The following TMEM53 variants were observed in gnomAD, a reference collection of about 807,000 sequenced individuals.
TMEM53 encodes novel DUF829 domain-containing protein.
A neutral mutation model predicts 21.4 loss-of-function variants in TMEM53; 14 were observed. That is an observed-to-expected ratio of 0.65 (90% CI 0.43 to 1.02). The LOEUF is 1.02. Ranked by LOEUF, TMEM53 falls within the 50% of genes least tolerant of loss-of-function variation. The probability of loss-of-function intolerance (pLI) is 0.00; values close to 1 mark genes in which losing one functional copy is unlikely to be tolerated. For missense variants in TMEM53, 323 were observed against 383.6 expected (o/e 0.84, Z 1.32); for synonymous variants, 148 against 157.4 (o/e 0.94, Z 0.45).
chr1:44,659,617 G>A (rs899901132), intron 2 of TMEM53, among the ~76,000 whole-genome samples: 2 of 152,206 alleles, frequency 1.3e-5, no homozygotes, highest in African/African-American at 4.8e-5. Flanking sequence ...GCTATGTCCA[G>A]ACACCCAGCC....
chr1:44,660,410 G>A, intron 1 of TMEM53, 115 bp from the exon 2 acceptor site: 1 of 1,421,572 alleles, frequency 7.0e-7, no homozygotes, highest in Non-Finnish European at 9.5e-7. Context: ...CGGGTGCCAG[G>A]CCCAGGCATC....
intron 2 of TMEM53, among the ~76,000 whole-genome samples, chr1:44,657,696 C>T (rs1481067767): frequency 1.3e-5 from 2 of 151,712 alleles, no homozygotes; most frequent in Non-Finnish European, 2.9e-5. Context: ...CACCACCGTG[C>T]CTGGCTAATT....
intron 1 of TMEM53, among the ~76,000 whole-genome samples, chr1:44,667,566 C>T (rs1644960588): frequency 6.6e-6 from 1 of 151,802 alleles, no homozygotes. Context: ...CCTCGGCCTC[C>T]CAAAGTGCTG....
rs546679423 is a variant in TMEM53, at chr1:44,674,208, C to T, written c.61+123G>A. 1.0e-4 allele frequency: 148 copies of T among 1,440,884 alleles called. 1 individual carries two copies. In the South Asian group the frequency reaches 2.1e-3, roughly 20 times the overall value. The allele number at this position is 1,440,884 out of a possible 1,614,324, so 89.3% of individuals were successfully genotyped here. ...CTCTCTAAGTCTAGGACCTGCCAGA[C>T]CCTATGAGGGGGCGGCCCGAGGGAG... On this transcript the variant is annotated intron_variant, in intron 1 of 2. Coordinates refer to ENST00000372237, the MANE Select transcript of TMEM53 (RefSeq NM_024587.4).
chr1:44,660,333 G>A, intron 1 of TMEM53, 38 bp from the exon 2 acceptor site: 1 of 1,587,062 alleles, frequency 6.3e-7, no homozygotes. Context: ...CCAGAGCTGG[G>A]GTGGGGGCGG....
rs558259711 is a variant in TMEM53 at position 44,660,328 on chromosome 1, G to C, written c.62-33C>G. The C allele has an allele frequency of 9.4e-6, 15 of 1,593,700 alleles. No homozygotes were observed. In the African/African-American group the frequency reaches 2.0e-4, roughly 21 times the overall value. ...ACAGATGTGGACTGTCAACACCAGA[G>C]CTGGGGTGGGGGCGGGGGTGACTGC... On this transcript the variant is annotated intron_variant, in intron 1 of 2. Transcript: ENST00000372237.
At chr1:44,670,499 G>A (rs1348618484) in intron 1 of TMEM53, among the ~76,000 whole-genome samples, 1 of 152,128 alleles carries the variant, frequency 6.6e-6, no homozygotes, top group Non-Finnish European at 1.5e-5. Flanking sequence ...TCACCATGGG[G>A]GTCTGTCAGC....
Position 44,674,361 on chromosome 1 carries a change from C to T in TMEM53, c.31G>A (p.Glu11Lys), listed in dbSNP as rs762136112. ...CTCCAGCAGGGCTGATCCGGGATCT[C>T]GATGGTGTAGTCCAGCTCTGCCGAG... Reference protein sequence around the residue: MASAELDYTIEIPDQPCWSQK... With the variant: MASAELDYTIKIPDQPCWSQK... The change falls in exon 1 of 3, where the codon GAG becomes AAG. Residue 11 changes from glutamate to lysine, a missense_variant. By Grantham distance (56) the Glu-to-Lys change is moderately conservative (BLOSUM62 1). This residue lies in a region of TMEM53 where 49 missense variants were observed against 32.9 expected (regional missense o/e 1.49). Transcript: ENST00000372237. The T allele has an allele frequency of 1.2e-6, 2 of 1,613,036 alleles. No individual in the cohort carries two copies. Among genetic ancestry groups the T allele is most frequent in the Admixed American group, 1.7e-5 (1 of 59,884 alleles).
intron 2 of TMEM53, among the ~76,000 whole-genome samples, chr1:44,659,271 G>A (rs2148530854): frequency 6.6e-6 from 1 of 152,308 alleles, no homozygotes; most frequent in East Asian, 1.9e-4. Context: ...TTTCTCCCAG[G>A]TGCCCCCCCA....
chr1:44,671,933 A>C (rs1241476264), intron 1 of TMEM53, among the ~76,000 whole-genome samples: 1 of 152,262 alleles, frequency 6.6e-6, no homozygotes, highest in African/African-American at 2.4e-5. Context: ...CACCTCAAAA[A>C]AAAAAGTTTT....
intron 2 of TMEM53, among the ~76,000 whole-genome samples, chr1:44,657,463 C>A (rs11211021): frequency 0.62 from 93,880 of 152,006 alleles, 29,894 homozygotes; most frequent in East Asian, 0.81. Flanking sequence ...TATACCCCCC[C>A]AAAAAGCTGG....
At chr1:44,661,810 G>A (rs1219270989) in intron 1 of TMEM53, among the ~76,000 whole-genome samples, 1 of 152,176 alleles carries the variant, frequency 6.6e-6, no homozygotes, top group Admixed American at 6.5e-5. Context: ...GATATGCTAA[G>A]AGGCACAAAC....
At chr1:44,668,749 C>T (rs766906439) in intron 1 of TMEM53, among the ~76,000 whole-genome samples, 3 of 152,192 alleles carry the variant, frequency 2.0e-5, no homozygotes, top group Non-Finnish European at 2.9e-5. Context: ...GGCCATGTTG[C>T]CCAGGCTGGT....
Position 44,655,701 on chromosome 1 carries a change from C to T in TMEM53, c.184-492G>A, listed in dbSNP as rs937103252. 6.6e-6 allele frequency among the ~76,000 whole-genome samples: 1 copy of T among 152,132 alleles called. No individual in the cohort carries two copies. Among genetic ancestry groups the T allele is most frequent in the African/African-American group, 2.4e-5 (1 of 41,424 alleles). On this transcript the variant is annotated intron_variant, in intron 2 of 2. Coordinates refer to ENST00000372237, the MANE Select transcript of TMEM53 (RefSeq NM_024587.4). The surrounding 1 kb of genome is among the most constrained non-coding windows in gnomAD (Gnocchi z 4.4). Reference sequence around the variant, plus strand: ...CCCCCATGAGACCAGTACCCGAGAGCTGGCCTGCAGGCGCCAGCCCTGACC... The same window carrying T: ...CCCCCATGAGACCAGTACCCGAGAGTTGGCCTGCAGGCGCCAGCCCTGACC...
intron 1 of TMEM53, among the ~76,000 whole-genome samples, chr1:44,671,793 G>A (rs1645003496): frequency 6.6e-6 from 1 of 152,220 alleles, no homozygotes; most frequent in Non-Finnish European, 1.5e-5. Context: ...GCCAGGCATG[G>A]TGGCGGGTGC....
intron 1 of TMEM53, among the ~76,000 whole-genome samples, chr1:44,662,572 C>T (rs1031858042): frequency 1.3e-5 from 2 of 152,070 alleles, no homozygotes; most frequent in Non-Finnish European, 1.5e-5. Flanking sequence ...CAGCAGCTAC[C>T]GTTTGAACCT....
At chr1:44,657,725 G>C (rs1644862681) in intron 2 of TMEM53, among the ~76,000 whole-genome samples, 1 of 152,076 alleles carries the variant, frequency 6.6e-6, no homozygotes, top group Non-Finnish European at 1.5e-5. Context: ...TTTTTTTGTG[G>C]AGATCAGGTT....
chr1:44,666,482 G>A (rs1644949746), intron 1 of TMEM53, among the ~76,000 whole-genome samples: 1 of 152,178 alleles, frequency 6.6e-6, no homozygotes, highest in South Asian at 2.1e-4. Flanking sequence ...CCTATCATCT[G>A]TGAACAGATA....
chr1:44,673,128 A>C lies in TMEM53; in HGVS notation c.61+1203T>G, dbSNP rs556561200. The stretch of plus-strand genomic sequence containing the variant: ...GCTTGCTGACGCCAAAACGTGTCCA[A>C]AGTATTTTTACATCTATAAACCCAA... On this transcript the variant is annotated intron_variant, in intron 1 of 2. Coordinates refer to ENST00000372237, the MANE Select transcript of TMEM53 (RefSeq NM_024587.4). Among the ~76,000 whole-genome samples, 13 of 152,364 alleles carry C rather than the reference A, an allele frequency of 8.5e-5. No individual in the cohort carries two copies. In the South Asian group the frequency reaches 2.3e-3, roughly 27 times the overall value.
Sources: gnomAD v4.1 joint callset for allele counts (sites outside exome capture counted in the v4.1 genomes callset) on GRCh38, gnomAD v4.1.1 for gene constraint, gnomAD v4.1.1 regional missense constraint, Gnocchi (gnomAD v3.1) non-coding constraint, MANE v1.5 for transcripts, NCBI Gene and HGNC (gene_info 2026-07-23, HGNC 2026-07-21) for gene names.